Variants in KRABD5 observed in about 807,000 individuals in gnomAD.
KRABD5 encodes the protein KRAB domain containing 5.
At chr16:31,720,887 G>C in the KRABD5 span, among the ~76,000 whole-genome samples, 1 of 151,976 alleles carries the variant, frequency 6.6e-6, no homozygotes, top group Non-Finnish European at 1.5e-5. Context: ...TCTCACATTT[G>C]TTGACCGTAA....
the KRABD5 span, among the ~76,000 whole-genome samples, chr16:31,737,972 A>G: frequency 6.6e-6 from 1 of 152,084 alleles, no homozygotes; most frequent in African/African-American, 2.4e-5. Context: ...TGTGTTTGAG[A>G]GTTTATTTAA....
At chr16:31,733,633 T>G in the KRABD5 span, 2 of 456,120 alleles carry the variant, frequency 4.4e-6, no homozygotes, top group Non-Finnish European at 8.8e-6. Flanking sequence ...TTTATGTAAG[T>G]GTAATTAAAC....
the KRABD5 span, among the ~76,000 whole-genome samples, chr16:31,726,507 TC>T: frequency 6.6e-6 from 1 of 152,220 alleles, no homozygotes; most frequent in Non-Finnish European, 1.5e-5. Context: ...ACACCTGTAA[TC>T]CCAGCACTTT....
the KRABD5 span, among the ~76,000 whole-genome samples, chr16:31,739,133 A>T: frequency 6.6e-6 from 1 of 152,186 alleles, no homozygotes; most frequent in East Asian, 1.9e-4. Flanking sequence ...AATTACTGTT[A>T]CCAGAACACT....
the KRABD5 span, among the ~76,000 whole-genome samples, chr16:31,717,695 G>A: frequency 8.5e-5 from 13 of 152,060 alleles, no homozygotes; most frequent in Admixed American, 4.6e-4. Context: ...GTTTTCTTTC[G>A]TTTCTACCAT....
chr16:31,730,561 A>T, the KRABD5 span, among the ~76,000 whole-genome samples: 1 of 152,066 alleles, frequency 6.6e-6, no homozygotes, highest in Non-Finnish European at 1.5e-5. Flanking sequence ...TGCCATGGGT[A>T]TTTTGAGCTT....
the KRABD5 span, chr16:31,753,893 A>G: frequency 1.3e-5 from 20 of 1,551,276 alleles, no homozygotes; most frequent in Middle Eastern, 1.7e-4. Context: ...AAGAGTGGGA[A>G]AGTGAGGGTA....
the KRABD5 span, chr16:31,761,492 T>C: frequency 6.6e-6 from 1 of 152,214 alleles, no homozygotes; most frequent in Non-Finnish European, 1.5e-5. Flanking sequence ...CGTATTCTAT[T>C]GGGCTGTCGT....
At chr16:31,721,461 A>G in the KRABD5 span, among the ~76,000 whole-genome samples, 1 of 151,526 alleles carries the variant, frequency 6.6e-6, no homozygotes, top group African/African-American at 2.4e-5. Context: ...AAAATAATAA[A>G]TAAAAAAATA....
the KRABD5 span, among the ~76,000 whole-genome samples, chr16:31,749,995 T>A: frequency 2.0e-5 from 3 of 152,320 alleles, no homozygotes; most frequent in East Asian, 5.8e-4. Flanking sequence ...TTTGTTCTTT[T>A]GTTTAGGATT....
the KRABD5 span, among the ~76,000 whole-genome samples, chr16:31,734,993 C>A: frequency 4.6e-5 from 7 of 152,240 alleles, no homozygotes; most frequent in South Asian, 2.1e-4. Context: ...AAATGATCCA[C>A]CCCTCTTGGC....
chr16:31,752,587 A>G, the KRABD5 span, among the ~76,000 whole-genome samples: 1 of 152,154 alleles, frequency 6.6e-6, no homozygotes, highest in Non-Finnish European at 1.5e-5. Flanking sequence ...AAGTCACAAA[A>G]TGCCAGGTTC....
the KRABD5 span, among the ~76,000 whole-genome samples, chr16:31,716,136 G>T: frequency 6.6e-6 from 1 of 152,144 alleles, no homozygotes; most frequent in Non-Finnish European, 1.5e-5. Flanking sequence ...TTCCCATACA[G>T]GTGCCTAGAG....
the KRABD5 span, among the ~76,000 whole-genome samples, chr16:31,724,688 C>T: frequency 4.4e-4 from 47 of 107,960 alleles, no homozygotes; most frequent in Non-Finnish European, 8.7e-4. Context: ...AGCAAGACTC[C>T]GTCTCAAAAA....
chr16:31,720,267 G>A, the KRABD5 span, among the ~76,000 whole-genome samples: 1 of 152,204 alleles, frequency 6.6e-6, no homozygotes, highest in Non-Finnish European at 1.5e-5. Context: ...AGTGGTTGGT[G>A]GTCCTCGCTG....
At chr16:31,738,197 A>G in the KRABD5 span, among the ~76,000 whole-genome samples, 1 of 152,040 alleles carries the variant, frequency 6.6e-6, no homozygotes, top group Non-Finnish European at 1.5e-5. Flanking sequence ...TCTGTATATG[A>G]CTATTAGGTC....
the KRABD5 span, chr16:31,753,908 T>G: frequency 6.4e-7 from 1 of 1,551,260 alleles, no homozygotes; most frequent in Non-Finnish European, 8.7e-7. Flanking sequence ...AGGGTAAGTG[T>G]GAAGGTCACA....
the KRABD5 span, among the ~76,000 whole-genome samples, chr16:31,752,775 G>C: frequency 6.6e-6 from 1 of 152,198 alleles, no homozygotes; most frequent in East Asian, 1.9e-4. Context: ...AGTGAGGTAG[G>C]GTGACTGCTT....
At chr16:31,718,608 A>T in the KRABD5 span, among the ~76,000 whole-genome samples, 2 of 152,192 alleles carry the variant, frequency 1.3e-5, no homozygotes, top group South Asian at 4.1e-4. Flanking sequence ...AGCTACACCT[A>T]CCTGTGAGCT....
Sources: gnomAD v4.1 joint callset for allele counts (sites outside exome capture counted in the v4.1 genomes callset) on GRCh38, gnomAD v4.1.1 for gene constraint, MANE v1.5 for transcripts, NCBI Gene and HGNC (gene_info 2026-07-23, HGNC 2026-07-21) for gene names.